MBNL3: variants seen among roughly 807,000 people sequenced by gnomAD.
MBNL3 encodes the protein muscleblind-like protein 3.
In MBNL3, 6 loss-of-function variants were observed where a neutral mutation model predicts 24.5. That is an observed-to-expected ratio of 0.25 (90% CI 0.13 to 0.48). The LOEUF is 0.48. MBNL3 is among the 20% of genes least tolerant of loss of function. MBNL3 has a pLI of 0.99. For missense variants in MBNL3, 230 were observed against 293.5 expected (o/e 0.78, Z 1.58); for synonymous variants, 100 against 101.7 (o/e 0.98, Z 0.10).
At chrX:132,381,520 A>T in intron 8 of MBNL3, 1 of 548,939 alleles carries the variant, frequency 1.8e-6, no homozygotes, top group Non-Finnish European at 2.9e-6. Flanking sequence ...TTTAGTCTAT[A>T]AGCATGGTTC....
chrX:132,381,738 T>C (rs746301797), intron 8 of MBNL3, among the ~76,000 whole-genome samples: 1 of 112,352 alleles, frequency 8.9e-6, no homozygotes, highest in African/African-American at 3.2e-5. Context: ...ATGATAAGGA[T>C]ATCCATGTCT....
At chrX:132,471,804 G>C (rs1355069818) in intron 1 of MBNL3, among the ~76,000 whole-genome samples, 1 of 112,881 alleles carries the variant, frequency 8.9e-6, no homozygotes, top group African/African-American at 3.2e-5. Flanking sequence ...ATGCTGCAGG[G>C]GGGAAGGGAA....
At chrX:132,427,228 C>T (rs180818030) in intron 2 of MBNL3, among the ~76,000 whole-genome samples, 6 of 111,837 alleles carry the variant, frequency 5.4e-5, no homozygotes, top group African/African-American at 1.6e-4. Context: ...TTCTCAGGCT[C>T]CTTTGAAAAA....
intron 5 of MBNL3, among the ~76,000 whole-genome samples, chrX:132,390,025 T>C (rs1244517610): frequency 9.2e-6 from 1 of 108,185 alleles, no homozygotes; most frequent in Non-Finnish European, 1.9e-5. Context: ...AAACCCGGCC[T>C]CTATAAAAAC....
chrX:132,451,214 G>A (rs936298507), intron 1 of MBNL3, among the ~76,000 whole-genome samples: 6 of 112,658 alleles, frequency 5.3e-5, no homozygotes, highest in East Asian at 2.8e-4. Context: ...GAGATCTGCC[G>A]CTCTCTTCAG....
Position 132,443,146 on chromosome X carries a change from C to G in MBNL3, c.-703-2832G>C, listed in dbSNP as rs1470170547. ...CTTAGTGCATTTGTACTTTATTGTA[C>G]TTGCAGGTTTACAAGTGCTTGTATT... On this transcript the variant is annotated intron_variant, in intron 1 of 8. Transcript: ENST00000370853. Among the ~76,000 whole-genome samples the G allele has an allele frequency of 5.3e-5, 6 of 112,231 alleles. No homozygotes were observed. The Admixed American group carries it at 5.7e-4, about 11-fold the overall frequency.
At chrX:132,417,109 T>TTCTC (rs756435656) in intron 2 of MBNL3, among the ~76,000 whole-genome samples, 2 of 110,645 alleles carry the variant, frequency 1.8e-5, no homozygotes, top group African/African-American at 6.6e-5. Flanking sequence ...TTATTTTTCT[T>TTCTC]TCTCTCTCTC....
At chrX:132,380,052 C>A (rs1000861044) in intron 8 of MBNL3, among the ~76,000 whole-genome samples, 1 of 112,476 alleles carries the variant, frequency 8.9e-6, no homozygotes, top group Non-Finnish European at 1.9e-5. Context: ...ATTAAATACA[C>A]TTTCAACTTT....
chrX:132,444,232 T>C (rs1945574058), intron 1 of MBNL3, among the ~76,000 whole-genome samples: 1 of 110,554 alleles, frequency 9.0e-6, no homozygotes, highest in Non-Finnish European at 1.9e-5. Context: ...TAAATAGTAA[T>C]TTAACATTAA....
At chrX:132,423,306 A>C (rs1943993996) in intron 2 of MBNL3, among the ~76,000 whole-genome samples, 2 of 111,438 alleles carry the variant, frequency 1.8e-5, no homozygotes, top group Admixed American at 9.5e-5. Context: ...GTGTTTTCTA[A>C]ATGTTTTCTG....
At chrX:132,412,170 A>G (rs1379582845) in intron 2 of MBNL3, among the ~76,000 whole-genome samples, 1 of 111,149 alleles carries the variant, frequency 9.0e-6, no homozygotes, top group Non-Finnish European at 1.9e-5. Flanking sequence ...TAACTTAACC[A>G]GAAGTGACAT....
At chrX:132,453,549 T>G (rs901984944) in intron 1 of MBNL3, among the ~76,000 whole-genome samples, 3 of 111,767 alleles carry the variant, frequency 2.7e-5, no homozygotes, top group Non-Finnish European at 5.6e-5. Context: ...CCCCAGTCAT[T>G]AAGGACACAT....
At chrX:132,488,184 ATC>A (rs758836276) in intron 1 of MBNL3, among the ~76,000 whole-genome samples, 21 of 110,924 alleles carry the variant, frequency 1.9e-4, no homozygotes, top group African/African-American at 5.9e-4. Flanking sequence ...CAATTAATTT[ATC>A]TGTTTTATCT....
chrX:132,441,001 C>T (rs960132277), intron 1 of MBNL3, among the ~76,000 whole-genome samples: 1 of 112,285 alleles, frequency 8.9e-6, no homozygotes, highest in Non-Finnish European at 1.9e-5. Context: ...TTTACAAAAT[C>T]TAAATCTTCT....
chrX:132,486,981 A>G (rs1020315311), intron 1 of MBNL3, among the ~76,000 whole-genome samples: 2 of 111,254 alleles, frequency 1.8e-5, no homozygotes, highest in African/African-American at 6.6e-5. Flanking sequence ...TTATCTCTCA[A>G]AACATTTTTT....
At chrX:132,431,204 T>C (rs1021201837) in intron 2 of MBNL3, 2 of 112,134 alleles carry the variant, frequency 1.8e-5, no homozygotes, top group African/African-American at 6.5e-5. Context: ...TTTCAGCATA[T>C]ATCAGTGGAT....
At chrX:132,450,626 G>A (rs1946050314) in intron 1 of MBNL3, among the ~76,000 whole-genome samples, 1 of 112,060 alleles carries the variant, frequency 8.9e-6, no homozygotes, top group South Asian at 3.7e-4. Context: ...CGTTAGCTTG[G>A]AGGAGTTTGT....
intron 1 of MBNL3, among the ~76,000 whole-genome samples, chrX:132,465,835 A>C (rs1402027684): frequency 1.8e-5 from 2 of 111,987 alleles, no homozygotes; most frequent in East Asian, 5.6e-4. Flanking sequence ...GACTAAGAAG[A>C]TTAATATTAT....
intron 7 of MBNL3, among the ~76,000 whole-genome samples, chrX:132,383,245 G>A (rs1329392298): frequency 8.9e-6 from 1 of 112,232 alleles, no homozygotes; most frequent in Non-Finnish European, 1.9e-5. Context: ...AAATTAACAT[G>A]TGCAATGTCA....
Sources: gnomAD v4.1 joint callset for allele counts (sites outside exome capture counted in the v4.1 genomes callset) on GRCh38, gnomAD v4.1.1 for gene constraint, MANE v1.5 for transcripts, NCBI Gene and HGNC (gene_info 2026-07-23, HGNC 2026-07-21) for gene names.